Variants in ANKRD44 observed in about 807,000 individuals in gnomAD.
ANKRD44 encodes the protein ankyrin repeat domain 44.
ANKRD44 carries 35 observed loss-of-function variants against 116.0 expected under a neutral mutation model. That is an observed-to-expected ratio of 0.30 (90% confidence interval 0.23 to 0.40). ANKRD44 has a LOEUF of 0.40. Among genes scored for constraint, ANKRD44 ranks in the 10% least tolerant of loss-of-function variants. The pLI is 1.00. For synonymous variants in ANKRD44, 435 were observed against 461.8 expected (o/e 0.94, Z 0.74); for missense variants, 1,014 against 1,242.6 (o/e 0.82, Z 2.77).
At position 196,989,544 on chromosome 2, in the gene ANKRD44, G is replaced by T; in HGVS notation, c.*47C>A. ...CACACATATATATATATATACACAC[G>T]CACACATATATGTGTGCATGTGTAT... On this transcript the variant is annotated 3_prime_UTR_variant, in exon 28 of 28. Coordinates refer to ENST00000282272, the MANE Select transcript of ANKRD44 (RefSeq NM_001195144.2). 6.5e-7 allele frequency: 1 copy of T among 1,534,250 alleles called. No individual in the cohort carries two copies. Among genetic ancestry groups the T allele is most frequent in the Non-Finnish European group, 8.8e-7 (1 of 1,138,192 alleles).
chr2:197,279,924 G>A (rs116795179), intron 1 of ANKRD44, among the ~76,000 whole-genome samples: 16 of 152,156 alleles, frequency 1.1e-4, no homozygotes, highest in African/African-American at 2.9e-4. Flanking sequence ...TCACCTCTTC[G>A]CCTCACAGCA....
chr2:197,196,438 T>A (rs11894584), intron 1 of ANKRD44, among the ~76,000 whole-genome samples: 118 of 152,140 alleles, frequency 7.8e-4, no homozygotes, highest in African/African-American at 2.7e-3. Flanking sequence ...GTATTCCTTA[T>A]AAAAAATAGC....
intron 21 of ANKRD44, among the ~76,000 whole-genome samples, chr2:196,976,460 C>A (rs1231413997): frequency 1.3e-5 from 2 of 151,616 alleles, no homozygotes; most frequent in Admixed American, 6.6e-5. Context: ...GGAAATTAGT[C>A]AAAAAAAGTA....
intron 2 of ANKRD44, among the ~76,000 whole-genome samples, chr2:197,180,867 C>T (rs1272375944): frequency 2.0e-5 from 3 of 152,158 alleles, no homozygotes; most frequent in Non-Finnish European, 4.4e-5. Flanking sequence ...TAGTGCAACA[C>T]TTCAACATAC....
At chr2:197,113,318 C>T (rs1448693913) in intron 8 of ANKRD44, among the ~76,000 whole-genome samples, 1 of 152,124 alleles carries the variant, frequency 6.6e-6, no homozygotes, top group Non-Finnish European at 1.5e-5. Flanking sequence ...TTTAAAACAC[C>T]CCCTTCCAAT....
At chr2:197,058,149 G>A (rs62279189) in intron 16 of ANKRD44, among the ~76,000 whole-genome samples, 2,233 of 152,264 alleles carry the variant, frequency 0.015, 30 homozygotes, top group Non-Finnish European at 0.024. Context: ...TGGTGCCACT[G>A]TAGGTAATAG....
chr2:197,110,694 G>A, intron 9 of ANKRD44, 72 bp downstream of exon 9: 1 of 1,224,846 alleles, frequency 8.2e-7, no homozygotes, highest in Non-Finnish European at 1.2e-6. Context: ...ACTTTCATAT[G>A]CAGGTGACTG....
rs541539739 is a variant in ANKRD44 at position 197,124,202 on chromosome 2, ATT to A, written c.550+1177_550+1178del. Reference sequence around the variant, plus strand: ...ATGCTAATGCTTGTAAAAGTTTAAGATTCTGTTTTTTTAAGCCCAAGGATTCA... The same window carrying A: ...ATGCTAATGCTTGTAAAAGTTTAAGACTGTTTTTTTAAGCCCAAGGATTCA... On this transcript the variant is annotated intron_variant, in intron 6 of 27. Coordinates refer to ENST00000282272, the MANE Select transcript of ANKRD44 (RefSeq NM_001195144.2). 1.3e-3 allele frequency among the ~76,000 whole-genome samples: 198 copies of A among 151,696 alleles called. 1 individual carries two copies. Among genetic ancestry groups the A allele is most frequent in the African/African-American group, 4.4e-3 (184 of 41,354 alleles).
intron 1 of ANKRD44, among the ~76,000 whole-genome samples, chr2:197,219,474 C>T (rs1317232725): frequency 2.6e-5 from 4 of 152,068 alleles, no homozygotes; most frequent in Non-Finnish European, 5.9e-5. Context: ...AACATAAAGT[C>T]GCTTTTGCTT....
intron 1 of ANKRD44, among the ~76,000 whole-genome samples, chr2:197,207,927 T>C (rs2081243735): frequency 6.6e-6 from 1 of 152,144 alleles, no homozygotes; most frequent in East Asian, 1.9e-4. Context: ...AATTCTAAAG[T>C]CTTCCTCCCC....
chr2:197,119,529 G>A (rs2078802670), intron 8 of ANKRD44, among the ~76,000 whole-genome samples: 1 of 152,120 alleles, frequency 6.6e-6, no homozygotes, highest in Non-Finnish European at 1.5e-5. Flanking sequence ...ATTACAGGCC[G>A]AGCCACCACA....
At chr2:197,239,891 A>G (rs113929409) in intron 1 of ANKRD44, among the ~76,000 whole-genome samples, 7 of 152,280 alleles carry the variant, frequency 4.6e-5, no homozygotes, top group African/African-American at 1.4e-4. Flanking sequence ...AATGCAACCA[A>G]TCTGCTTCTT....
In ANKRD44 at chr2:197,081,759, A is replaced by T. The variant is rs900759714; in HGVS notation, c.1458-34T>A. The T allele has an allele frequency of 1.9e-6, 3 of 1,552,624 alleles. No homozygotes were observed. In the Admixed American group the frequency reaches 5.3e-5, roughly 27 times the overall value. ...CATAAAGGATAGAAAAAAAAATTGC[A>T]ATTAATTTTTTAAATGGCAAAGCTG... On this transcript the variant is annotated intron_variant, in intron 14 of 27. Transcript: ENST00000282272.
chr2:197,126,741 T>C (rs752168737), intron 4 of ANKRD44, among the ~76,000 whole-genome samples: 122 of 152,004 alleles, frequency 8.0e-4, no homozygotes, highest in Non-Finnish European at 1.3e-3. Context: ...AAACCCCATC[T>C]CTAACGAAGA....
chr2:197,046,838 C>T (rs981896530), intron 16 of ANKRD44, among the ~76,000 whole-genome samples: 1 of 152,018 alleles, frequency 6.6e-6, no homozygotes, highest in African/African-American at 2.4e-5. Flanking sequence ...ATGTTTACAC[C>T]ACAACAAACA....
intron 2 of ANKRD44, among the ~76,000 whole-genome samples, chr2:197,156,162 T>C (rs534494695): frequency 1.8e-4 from 27 of 152,206 alleles, no homozygotes; most frequent in Admixed American, 4.6e-4. Flanking sequence ...CTGGCTAACA[T>C]GGTGAAACCC....
intron 17 of ANKRD44, among the ~76,000 whole-genome samples, chr2:197,014,515 C>T (rs1281342634): frequency 1.3e-5 from 2 of 152,050 alleles, no homozygotes; most frequent in Non-Finnish European, 2.9e-5. Flanking sequence ...TTGTCAGACA[C>T]GGTGGCTCAC....
At chr2:197,026,043 G>GAAAAAAAAAA (rs1313651165) in intron 16 of ANKRD44, among the ~76,000 whole-genome samples, 1 of 22,672 alleles carries the variant, frequency 4.4e-5, no homozygotes, top group Non-Finnish European at 1.9e-4. Flanking sequence ...GAGATAAAAA[G>GAAAAAAAAAA]AAACAAAAAA....
At chr2:197,114,881 T>C (rs2078671697) in intron 8 of ANKRD44, among the ~76,000 whole-genome samples, 1 of 152,236 alleles carries the variant, frequency 6.6e-6, no homozygotes, top group Non-Finnish European at 1.5e-5. Flanking sequence ...TATTTTGTTT[T>C]GTTTTGTATG....
Sources: allele counts gnomAD v4.1 joint callset (sites outside exome capture counted in the v4.1 genomes callset), GRCh38; gene constraint gnomAD v4.1.1; transcripts MANE v1.5; gene names NCBI Gene and HGNC (gene_info 2026-07-23, HGNC 2026-07-21).